Variants in KCNC1 observed in about 807,000 individuals in gnomAD.
KCNC1 encodes the protein potassium voltage-gated channel subfamily C member 1.
Under a neutral mutation model 43.4 loss-of-function variants are expected in KCNC1, and 8 were observed. That is an observed-to-expected ratio of 0.18 (90% CI 0.11 to 0.33). The LOEUF (loss-of-function observed/expected upper bound fraction) is 0.33. KCNC1 is among the 10% of genes least tolerant of loss of function. The pLI is 1.00. For missense variants in KCNC1, 420 were observed against 836.0 expected (o/e 0.50, Z 6.14); for synonymous variants, 361 against 360.5 (o/e 1.00, Z -0.01).
Position 17,781,355 on chromosome 11 carries a change from C to A in KCNC1, c.1694-315C>A. Reference sequence around the variant, plus strand: ...GTGTCCCCACCTACATCCATTCGGCCCGCGCTCTCATGGAGCCACGACAGC... The same window carrying A: ...GTGTCCCCACCTACATCCATTCGGCACGCGCTCTCATGGAGCCACGACAGC... On this transcript the variant is annotated intron_variant, in intron 3 of 3. Coordinates refer to ENST00000265969, the MANE Select transcript of KCNC1 (RefSeq NM_001112741.2). This position sits in a 1 kb window ranked among gnomAD's most constrained non-coding sequence, Gnocchi z 5.1. 1 of 325,654 alleles carries A rather than the reference C, an allele frequency of 3.1e-6. No individual in the cohort carries two copies. The highest frequency in any genetic ancestry group is 5.7e-6 in the Non-Finnish European group (1 of 176,980). The allele number at this position is 325,654 out of a possible 1,614,324, so 20.2% of individuals were successfully genotyped here. A position where few individuals can be genotyped will look rare whatever the true frequency, so the allele number is the denominator to read the frequency against.
At chr11:17,766,484 G>A (rs530368346) in intron 1 of KCNC1, among the ~76,000 whole-genome samples, 66 of 152,250 alleles carry the variant, frequency 4.3e-4, no homozygotes, top group Non-Finnish European at 7.8e-4. Flanking sequence ...CTACAGCCCC[G>A]GGGATGACAG....
chr11:17,769,050 C>G (rs1273088696), intron 1 of KCNC1, among the ~76,000 whole-genome samples: 3 of 152,252 alleles, frequency 2.0e-5, no homozygotes, highest in Non-Finnish European at 4.4e-5. Context: ...CAGGTCTGGT[C>G]TTTCTGGATC....
In KCNC1 at chr11:17,765,167, C is replaced by T. The variant is rs551284597; in HGVS notation, c.571-6498C>T. ...TGAGGCCCAGAGAGGGGAAGCAACT[C>T]GCCAAGGTCACACAGCAAGTGAGCA... On this transcript the variant is annotated intron_variant, in intron 1 of 3. Coordinates refer to ENST00000265969, the MANE Select transcript of KCNC1 (RefSeq NM_001112741.2). Among the ~76,000 whole-genome samples, 452 of 152,320 alleles carry T rather than the reference C, an allele frequency of 3.0e-3. 2 individuals carry two copies. The highest frequency in any genetic ancestry group is 4.8e-3 in the Non-Finnish European group (327 of 68,034).
chr11:17,782,835 G>A lies in KCNC1; in HGVS notation c.*1101G>A, dbSNP rs1312342068. On this transcript the variant is annotated 3_prime_UTR_variant, in exon 4 of 4. Coordinates refer to ENST00000265969, the MANE Select transcript of KCNC1 (RefSeq NM_001112741.2). The stretch of plus-strand genomic sequence containing the variant: ...ATATAGTATTTTCCCAACAGAAACA[G>A]AGGACAGTAGCTTGGCTTTGGTCTG... The A allele has an allele frequency of 6.6e-6, 1 of 152,098 alleles. No homozygotes were observed. The highest frequency in any genetic ancestry group is 1.5e-5 in the Non-Finnish European group (1 of 68,022). The allele number at this position is 152,098 out of a possible 1,614,324, so 9.4% of individuals were successfully genotyped here.
chr11:17,773,488 G>T lies in KCNC1; in HGVS notation c.1504+890G>T. On this transcript the variant is annotated intron_variant, in intron 2 of 3. Transcript: ENST00000265969. The surrounding 1 kb of genome is among the most constrained non-coding windows in gnomAD (Gnocchi z 4.1). ...CCGAGGGTTCTCCCCGTTTCCAGCG[G>T]TAGGGACTGCAGCAGCAATATAGAC... is the stretch of plus-strand genomic sequence containing the variant. 1 of 984,722 alleles carries T rather than the reference G, an allele frequency of 1.0e-6. No individual in the cohort carries two copies. Among genetic ancestry groups the T allele is most frequent in the Non-Finnish European group, 1.2e-6 (1 of 829,848 alleles). 61.0% of individuals were successfully genotyped at this position (984,722 alleles called of 1,614,324 possible).
chr11:17,774,413 A>G, intron 2 of KCNC1: 2 of 985,534 alleles, frequency 2.0e-6, no homozygotes, highest in Non-Finnish European at 2.4e-6. Flanking sequence ...TGCCCCAAGC[A>G]CAGGTGCCCT....
At chr11:17,744,126 G>T (rs1176516239) in intron 1 of KCNC1, among the ~76,000 whole-genome samples, 2 of 152,126 alleles carry the variant, frequency 1.3e-5, no homozygotes, top group Non-Finnish European at 2.9e-5. Context: ...GGGCTACCTT[G>T]AGCAAGTCCT....
chr11:17,779,509 C>A lies in KCNC1; in HGVS notation c.1558C>A (p.Pro520Thr). Reference sequence around the variant, plus strand: ...GGCCGCGCTGGCGAACGAAGACTGCCCCCACATAGACCAGGCCCTCACTCC... The same window carrying A: ...GGCCGCGCTGGCGAACGAAGACTGCACCCACATAGACCAGGCCCTCACTCC... ...AKAALANEDCPHIDQALTPDE... is the reference protein window; with the variant it reads ...AKAALANEDCTHIDQALTPDE... The change falls in exon 3 of 4, where the codon CCC becomes ACC. Residue 520 changes from proline (P) to threonine (T), a missense_variant. Transcript: ENST00000265969. This position sits in a 1 kb window ranked among gnomAD's most constrained non-coding sequence, Gnocchi z 7.2. The A allele has an allele frequency of 2.6e-6, 4 of 1,551,282 alleles. No homozygotes were observed. Among genetic ancestry groups the A allele is most frequent in the South Asian group, 1.2e-5 (1 of 84,024 alleles).
rs1002642247 is a variant in KCNC1 at position 17,773,382 on chromosome 11, G to A, written c.1504+784G>A. The A allele has an allele frequency of 5.1e-5, 50 of 985,244 alleles. No individual in the cohort carries two copies. Among genetic ancestry groups the A allele is most frequent in the African/African-American group, 4.2e-4 (24 of 57,178 alleles). 61.0% of individuals were successfully genotyped at this position (985,244 alleles called of 1,614,324 possible). ...GAGTTTCCGGTGACCCGATGGAAGC[G>A]GCTGCCGAGCAAAAGACTAGAGGGG... On this transcript the variant is annotated intron_variant, in intron 2 of 3. Transcript: ENST00000265969. The surrounding 1 kb of genome is among the most constrained non-coding windows in gnomAD (Gnocchi z 4.1).
At chr11:17,744,417 C>A (rs1426963335) in intron 1 of KCNC1, among the ~76,000 whole-genome samples, 1 of 152,206 alleles carries the variant, frequency 6.6e-6, no homozygotes, top group Non-Finnish European at 1.5e-5. Flanking sequence ...CTCCTACATT[C>A]ATTCAGCCTG....
chr11:17,758,797 C>A (rs1471511902), intron 1 of KCNC1, among the ~76,000 whole-genome samples: 1 of 152,224 alleles, frequency 6.6e-6, no homozygotes. Flanking sequence ...GATGTGCTAT[C>A]ATCCAGGCTT....
chr11:17,767,073 A>G, intron 1 of KCNC1, among the ~76,000 whole-genome samples: 1 of 151,576 alleles, frequency 6.6e-6, no homozygotes, highest in African/African-American at 2.4e-5. Context: ...CGGAGGTTGC[A>G]GTGAGCTGAG....
At position 17,751,460 on chromosome 11, in the gene KCNC1, C is replaced by T. The variant is rs182086215; in HGVS notation, c.570+14888C>T. ...TGCTTCTCCTTGCGTGCCTTCAAAG[C>T]GGAAGTCCCACCTCTCACAGGATGA... On this transcript the variant is annotated intron_variant, in intron 1 of 3. Transcript: ENST00000265969. Among the ~76,000 whole-genome samples the T allele has an allele frequency of 1.6e-4, 25 of 152,304 alleles. No homozygotes were observed. The East Asian group carries it at 4.6e-3, about 28-fold the overall frequency.
At chr11:17,737,109 A>G (rs1265447446) in intron 1 of KCNC1, among the ~76,000 whole-genome samples, 1 of 151,586 alleles carries the variant, frequency 6.6e-6, no homozygotes, top group African/African-American at 2.4e-5. Flanking sequence ...CTTGAGACAG[A>G]CACCCCCTCC....
chr11:17,740,919 T>C (rs943190855), intron 1 of KCNC1, among the ~76,000 whole-genome samples: 3 of 152,130 alleles, frequency 2.0e-5, no homozygotes, highest in African/African-American at 4.8e-5. Context: ...TGTTCCTCCC[T>C]TGGGTCCCAG....
intron 1 of KCNC1, among the ~76,000 whole-genome samples, chr11:17,755,353 G>A (rs1849012123): frequency 1.3e-5 from 2 of 152,142 alleles, no homozygotes; most frequent in African/African-American, 4.8e-5. Flanking sequence ...TCTGAGCAGA[G>A]AAATGACACA....
rs1849229502 is a variant in KCNC1, at chr11:17,771,581, C to T, written c.571-84C>T. 8.2e-7 allele frequency: 1 copy of T among 1,216,612 alleles called. No individual in the cohort carries two copies. Among genetic ancestry groups the T allele is most frequent in the African/African-American group, 1.5e-5 (1 of 66,030 alleles). 75.4% of individuals were successfully genotyped at this position (1,216,612 alleles called of 1,614,324 possible). ...GCCTGGTGCTGGCATCTCCCCCCGC[C>T]TGGCCCTGGGACTGGACAGAGGCAA... On this transcript the variant is annotated intron_variant, in intron 1 of 3. Transcript: ENST00000265969. This position sits in a 1 kb window ranked among gnomAD's most constrained non-coding sequence, Gnocchi z 4.7.
chr11:17,771,505 G>A lies in KCNC1; in HGVS notation c.571-160G>A, dbSNP rs139622142. 6.6e-5 allele frequency among the ~76,000 whole-genome samples: 10 copies of A among 152,290 alleles called. No individual in the cohort carries two copies. Among genetic ancestry groups the A allele is most frequent in the African/African-American group, 1.7e-4 (7 of 41,558 alleles). ...GGTTTTAGAGCCTGCCCTGACGGTC[G>A]TGCAGGCCCCCTGTGCCCTGAGGAG... On this transcript the variant is annotated intron_variant, in intron 1 of 3. Coordinates refer to ENST00000265969, the MANE Select transcript of KCNC1 (RefSeq NM_001112741.2). The surrounding 1 kb of genome is among the most constrained non-coding windows in gnomAD (Gnocchi z 4.7).
Position 17,779,788 on chromosome 11 carries a change from G to C in KCNC1, c.1693+144G>C. On this transcript the variant is annotated intron_variant, in intron 3 of 3. Coordinates refer to ENST00000265969, the MANE Select transcript of KCNC1 (RefSeq NM_001112741.2). This position sits in a 1 kb window ranked among gnomAD's most constrained non-coding sequence, Gnocchi z 7.2. Reference sequence around the variant, plus strand: ...AGGATGGAGGGAATCTCCCAGGGTCGGCCCCTGGAGGGCTGAGGCCCTTCC... The same window carrying C: ...AGGATGGAGGGAATCTCCCAGGGTCCGCCCCTGGAGGGCTGAGGCCCTTCC... 3.2e-6 allele frequency: 2 copies of C among 627,234 alleles called. No individual in the cohort carries two copies. The highest frequency in any genetic ancestry group is 5.0e-6 in the Non-Finnish European group (2 of 399,506). 38.9% of individuals were successfully genotyped at this position (627,234 alleles called of 1,614,324 possible).
Sources: allele counts gnomAD v4.1 joint callset (sites outside exome capture counted in the v4.1 genomes callset), GRCh38; gene constraint gnomAD v4.1.1; non-coding constraint Gnocchi (gnomAD v3.1); transcripts MANE v1.5; gene names NCBI Gene and HGNC (gene_info 2026-07-23, HGNC 2026-07-21).